The following CPVL variants were observed in gnomAD, a reference collection of about 807,000 sequenced individuals.
CPVL encodes the protein probable serine carboxypeptidase CPVL.
CPVL carries 51 observed loss-of-function variants against 63.7 expected under a neutral mutation model. The ratio of observed to expected loss-of-function variants is 0.80; its 90% CI spans 0.64 to 1.01. The LOEUF (loss-of-function observed/expected upper bound fraction) is 1.01, where lower values mean the gene tolerates loss of function less well. CPVL is among the 50% of genes least tolerant of loss of function. The pLI, the probability that CPVL is intolerant of heterozygous loss-of-function variation, is 0.00. For missense variants in CPVL, 530 were observed against 573.1 expected, an observed-to-expected ratio of 0.92 and a Z score of 0.77; for synonymous variants, 195 against 206.0, an observed-to-expected ratio of 0.95 and a Z score of 0.46.
intron 12 of CPVL, among the ~76,000 whole-genome samples, chr7:29,022,255 T>C (rs1787069951): frequency 6.6e-6 from 1 of 152,152 alleles, no homozygotes; most frequent in African/African-American, 2.4e-5. Context: ...CCCGGTCTGC[T>C]TGCCACCAGG....
chr7:29,133,731 A>G (rs1790924805), intron 1 of CPVL, among the ~76,000 whole-genome samples: 1 of 152,240 alleles, frequency 6.6e-6, no homozygotes, highest in Admixed American at 6.5e-5. Flanking sequence ...AAATCCCAAT[A>G]CCCAAGAAAA....
intron 3 of CPVL, among the ~76,000 whole-genome samples, chr7:29,099,278 T>A (rs977237489): frequency 7.0e-6 from 1 of 142,882 alleles, no homozygotes; most frequent in Non-Finnish European, 1.5e-5. Context: ...AATGACAGAA[T>A]AGGAAAGTGG....
chr7:29,051,549 C>T (rs959635114), intron 11 of CPVL, among the ~76,000 whole-genome samples: 1 of 152,154 alleles, frequency 6.6e-6, no homozygotes, highest in African/African-American at 2.4e-5. Context: ...CCATGCGATA[C>T]CACCTCACTC....
chr7:29,112,740 G>T lies in CPVL; in HGVS notation c.252C>A (p.Tyr84Ter), dbSNP rs556210551. Residue 84 changes from tyrosine (Y) to a stop codon, truncating the protein, a stop_gained, in exon 3 of 13, where the codon TAC (tyrosine) becomes TAA (stop). Transcript: ENST00000265394. LOFTEE classifies it high-confidence loss of function. ...AGAACCAGAAGAAGAGGTTGCTGTTGTAAGTCTTATTCACGGTGAGGAAGC... is the reference window on the plus strand; with the variant it reads ...AGAACCAGAAGAAGAGGTTGCTGTTTTAAGTCTTATTCACGGTGAGGAAGC... ...YAGFLTVNKT[Y>*]NSNLFFWFFP... 5.5e-5 allele frequency: 89 copies of T among 1,613,520 alleles called. No individual in the cohort carries two copies. Among genetic ancestry groups the T allele is most frequent in the Non-Finnish European group, 6.7e-5 (79 of 1,179,742 alleles).
intron 4 of CPVL, among the ~76,000 whole-genome samples, chr7:29,182,995 A>T (rs754187259): frequency 6.6e-6 from 1 of 152,168 alleles, no homozygotes; most frequent in Non-Finnish European, 1.5e-5. Context: ...GAAGGGATAT[A>T]TGAAAACAGC....
At chr7:29,118,981 C>A (rs1243983179) in intron 2 of CPVL, among the ~76,000 whole-genome samples, 2 of 152,286 alleles carry the variant, frequency 1.3e-5, no homozygotes, top group East Asian at 3.9e-4. Flanking sequence ...CTCATCATTT[C>A]CATCAGCAAA....
chr7:29,175,941 C>A (rs1797261288), intron 5 of CPVL, among the ~76,000 whole-genome samples: 1 of 152,078 alleles, frequency 6.6e-6, no homozygotes, highest in Admixed American at 6.5e-5. Flanking sequence ...AATCCCAGCA[C>A]TTTGGGAGGC....
At chr7:29,176,054 T>C (rs372031561) in intron 5 of CPVL, among the ~76,000 whole-genome samples, 16 of 151,834 alleles carry the variant, frequency 1.1e-4, no homozygotes, top group East Asian at 5.8e-4. Context: ...GGCGTGGTGG[T>C]GGGCGCCTGT....
chr7:29,163,450 T>C (rs1795476103), intron 5 of CPVL, among the ~76,000 whole-genome samples: 1 of 152,202 alleles, frequency 6.6e-6, no homozygotes, highest in South Asian at 2.1e-4. Context: ...TATTTCTATT[T>C]CCTGCTCTAA....
chr7:29,028,288 G>A (rs1036575295), intron 12 of CPVL, among the ~76,000 whole-genome samples: 2 of 151,984 alleles, frequency 1.3e-5, no homozygotes, highest in African/African-American at 4.8e-5. Flanking sequence ...TATACACATA[G>A]AATAAGCTCA....
chr7:29,059,410 T>G lies in CPVL; in HGVS notation c.1137+4651A>C, dbSNP rs185556841. Among the ~76,000 whole-genome samples, 52 of 152,286 alleles carry G rather than the reference T, an allele frequency of 3.4e-4. 1 individual carries two copies. The East Asian group carries it at 6.6e-3, about 19-fold the overall frequency. On this transcript the variant is annotated intron_variant, in intron 11 of 12. Transcript: ENST00000265394. ...AAGATATCATAAGAAAAAAGAAAACTGCAAGGCTGTAACTCTGACATTCAT... is the reference window on the plus strand; with the variant it reads ...AAGATATCATAAGAAAAAAGAAAACGGCAAGGCTGTAACTCTGACATTCAT...
intron 1 of CPVL, among the ~76,000 whole-genome samples, chr7:29,124,693 C>T (rs1299852388): frequency 6.6e-6 from 1 of 151,780 alleles, no homozygotes; most frequent in Non-Finnish European, 1.5e-5. Flanking sequence ...AATGATTCTA[C>T]TAAGAATGTT....
chr7:29,164,236 A>G (rs1324615941), intron 5 of CPVL, among the ~76,000 whole-genome samples: 1 of 152,156 alleles, frequency 6.6e-6, no homozygotes, highest in Non-Finnish European at 1.5e-5. Flanking sequence ...AATTTTCCTA[A>G]TGACTAATGA....
intron 9 of CPVL, among the ~76,000 whole-genome samples, chr7:29,069,318 G>A (rs1783475191): frequency 6.6e-6 from 1 of 151,740 alleles, no homozygotes; most frequent in Admixed American, 6.6e-5. Flanking sequence ...GCGAGTGCCT[G>A]TAATCCCAGC....
At chr7:29,100,612 C>A (rs1434456951) in intron 3 of CPVL, among the ~76,000 whole-genome samples, 1 of 152,164 alleles carries the variant, frequency 6.6e-6, no homozygotes, top group East Asian at 1.9e-4. Context: ...AGAGCCCACA[C>A]TACAAAGTCA....
At chr7:29,124,362 T>C (rs1789749714) in intron 1 of CPVL, among the ~76,000 whole-genome samples, 1 of 152,132 alleles carries the variant, frequency 6.6e-6, no homozygotes. Flanking sequence ...CATATCATAT[T>C]GAAGAATTCA....
intron 12 of CPVL, among the ~76,000 whole-genome samples, chr7:29,007,386 TTGC>T (rs1562719812): frequency 1.4e-5 from 2 of 147,708 alleles, no homozygotes; most frequent in African/African-American, 5.4e-5. Flanking sequence ...AAATTGGGAG[TTGC>T]TATTGTTTAT....
chr7:29,022,198 A>G lies in CPVL; in HGVS notation c.1320+8379T>C, dbSNP rs368074682. On this transcript the variant is annotated intron_variant, in intron 12 of 12. Coordinates refer to ENST00000265394, the MANE Select transcript of CPVL (RefSeq NM_031311.5). ...CAAGGACCTGAGGACAGGCCCATCT[A>G]GCCTGCCTCTTGGCCCAAGGACACC... Among the ~76,000 whole-genome samples, 677 of 152,154 alleles carry G rather than the reference A, an allele frequency of 4.4e-3. 9 individuals are homozygous for G. In the Middle Eastern group the frequency reaches 0.055, roughly 12 times the overall value.
At chr7:29,024,019 T>G (rs317741) in intron 12 of CPVL, among the ~76,000 whole-genome samples, 69,285 of 151,928 alleles carry the variant, frequency 0.46, 17,478 homozygotes, top group African/African-American at 0.68. Context: ...ACATATCTGG[T>G]AAAGATTTCA....
Sources: gnomAD v4.1 joint callset for allele counts (sites outside exome capture counted in the v4.1 genomes callset) on GRCh38, gnomAD v4.1.1 for gene constraint, MANE v1.5 for transcripts, NCBI Gene and HGNC (gene_info 2026-07-23, HGNC 2026-07-21) for gene names.